The following FHL1 variants were observed in gnomAD, a reference collection of about 807,000 sequenced individuals.
FHL1 encodes the protein four and a half LIM domains 1.
FHL1 carries 1 observed loss-of-function variant against 20.3 expected under a neutral mutation model. The ratio of observed to expected loss-of-function variants is 0.05; its 90% CI spans 0.02 to 0.23. The LOEUF (loss-of-function observed/expected upper bound fraction) is 0.23, where lower values mean the gene tolerates loss of function less well. Ranked by LOEUF, FHL1 falls within the 10% of genes least tolerant of loss-of-function variation. FHL1 has a pLI of 1.00. For missense variants in FHL1, 177 were observed against 234.0 expected (o/e 0.76, Z 1.59); for synonymous variants, 82 against 88.9 (o/e 0.92, Z 0.44).
intron 3 of FHL1, chrX:136,207,581 TA>T: frequency 2.2e-6 from 1 of 449,959 alleles, no homozygotes; most frequent in Non-Finnish European, 3.9e-6. Context: ...CACTGGATCC[TA>T]AAATAATAAT....
At chrX:136,209,069 CTTT>C (rs200797162) in intron 5 of FHL1, 7 of 380,382 alleles carry the variant, frequency 1.8e-5, no homozygotes, top group African/African-American at 8.1e-5. Flanking sequence ...GGCAGGGTTT[CTTT>C]TTTTTTTGGT....
In FHL1 at chrX:136,180,887, G is replaced by A. The variant is rs1412329000; in HGVS notation, c.-27+10907G>A. Among the ~76,000 whole-genome samples, 6 of 111,380 alleles carry A rather than the reference G, an allele frequency of 5.4e-5. No homozygotes were observed. In the East Asian group the frequency reaches 1.1e-3, roughly 21 times the overall value. ...TTCCTGAGTAGCTGGAATTACAGGCGCTTACCACTACGCCTGGCTAATTTT... is the reference window on the plus strand; with the variant it reads ...TTCCTGAGTAGCTGGAATTACAGGCACTTACCACTACGCCTGGCTAATTTT... On this transcript the variant is annotated intron_variant, in intron 2 of 6. Transcript: ENST00000394153.
At chrX:136,191,703 G>A (rs1393572903) in intron 2 of FHL1, among the ~76,000 whole-genome samples, 2 of 112,485 alleles carry the variant, frequency 1.8e-5, no homozygotes, top group African/African-American at 6.5e-5. Flanking sequence ...TTCACACAAT[G>A]AAGCAGAGCT....
At chrX:136,154,205 G>T (rs1246112594) in intron 1 of FHL1, among the ~76,000 whole-genome samples, 1 of 112,281 alleles carries the variant, frequency 8.9e-6, no homozygotes, top group Non-Finnish European at 1.9e-5. Flanking sequence ...CTTTTTCATG[G>T]CCTGACCCTC....
chrX:136,174,444 T>G (rs948391075), intron 2 of FHL1, among the ~76,000 whole-genome samples: 9 of 111,728 alleles, frequency 8.1e-5, no homozygotes, highest in Non-Finnish European at 1.1e-4. Context: ...GGGCCTGAGA[T>G]CCTGCATTTC....
upstream of FHL1, chrX:136,168,375 G>A (rs1354534429): frequency 9.0e-6 from 1 of 111,706 alleles, no homozygotes; most frequent in African/African-American, 3.3e-5. Flanking sequence ...AATACTAGGA[G>A]ATAGAAATGA....
chrX:136,172,498 C>T (rs2072897819), intron 2 of FHL1, among the ~76,000 whole-genome samples: 1 of 111,999 alleles, frequency 8.9e-6, no homozygotes, highest in Non-Finnish European at 1.9e-5. Context: ...TTCCAAGTCC[C>T]CATCTCTACT....
In FHL1 at chrX:136,209,859, TTTTC is replaced by T. The variant is rs754404850; in HGVS notation, c.737-11_737-8del. 142 of 1,202,652 alleles carry T rather than the reference TTTTC, an allele frequency of 1.2e-4. No individual in the cohort carries two copies. The highest frequency in any genetic ancestry group is 4.6e-4 in the South Asian group (26 of 56,452). ...TCTTGTTTTCTTTTCTTTTCTTTTT[TTTTC>T]CCCCCAGGGTTTGGTAAAGGCTCCA... On this transcript the variant is annotated splice_polypyrimidine_tract_variant and splice_region_variant and intron_variant, in intron 5 of 5. Coordinates refer to ENST00000370683, the MANE Select transcript of FHL1 (RefSeq NM_001159699.2).
intron 1 of FHL1, among the ~76,000 whole-genome samples, chrX:136,198,433 C>T (rs1457759237): frequency 1.8e-5 from 2 of 112,193 alleles, no homozygotes; most frequent in African/African-American, 3.2e-5. Flanking sequence ...ATTCTTATGT[C>T]GTTCTTGTGT....
At chrX:136,202,010 C>G (rs2073723088) in intron 1 of FHL1, among the ~76,000 whole-genome samples, 1 of 111,927 alleles carries the variant, frequency 8.9e-6, no homozygotes, top group African/African-American at 3.2e-5. Context: ...AAAATTATTC[C>G]CTAAGAAATA....
chrX:136,149,810 G>A (rs193299827), intron 1 of FHL1, among the ~76,000 whole-genome samples: 75 of 111,335 alleles, frequency 6.7e-4, no homozygotes, highest in Non-Finnish European at 3.2e-4. Context: ...GTGTTAAACT[G>A]GAAATGTTTA....
rs1481151222 is a variant in FHL1, at chrX:136,210,160, T to C, written c.*135T>C. The C allele has an allele frequency of 1.7e-5, 16 of 929,486 alleles. No homozygotes were observed. The highest frequency in any genetic ancestry group is 2.3e-5 in the Non-Finnish European group (15 of 646,983). 76.6% of individuals were successfully genotyped at this position (929,486 alleles called of 1,213,427 possible). A position where few individuals can be genotyped will look rare whatever the true frequency, so the allele number is the denominator to read the frequency against. On this transcript the variant is annotated 3_prime_UTR_variant, in exon 6 of 6. Coordinates refer to ENST00000370683, the MANE Select transcript of FHL1 (RefSeq NM_001159699.2). ...AGTTCTCCTTCCGTCTTTTCTCCCA[T>C]TTTACAGTATTACTCAAATAAGGGC... is the stretch of plus-strand genomic sequence containing the variant.
At chrX:136,149,101 A>AT (rs1406711193) in intron 1 of FHL1, among the ~76,000 whole-genome samples, 2 of 111,950 alleles carry the variant, frequency 1.8e-5, no homozygotes, top group East Asian at 2.8e-4. Flanking sequence ...AGCAGGAATA[A>AT]TTTTTTCCGT....
At chrX:136,157,133 G>C (rs892073536) in intron 1 of FHL1, among the ~76,000 whole-genome samples, 4 of 111,529 alleles carry the variant, frequency 3.6e-5, no homozygotes, top group African/African-American at 1.3e-4. Context: ...CAACTACCCT[G>C]TAAATGATCG....
chrX:136,187,131 GT>G (rs1400310374), intron 2 of FHL1, among the ~76,000 whole-genome samples: 2,803 of 90,871 alleles, frequency 0.031, 83 homozygotes, highest in African/African-American at 0.095. Flanking sequence ...CACTATTTAT[GT>G]TTTTTTTTTT....
At chrX:136,149,884 T>C (rs1207117840) in intron 1 of FHL1, among the ~76,000 whole-genome samples, 1 of 112,233 alleles carries the variant, frequency 8.9e-6, no homozygotes, top group Non-Finnish European at 1.9e-5. Flanking sequence ...TATTGTATTA[T>C]AATGTTAGTA....
chrX:136,150,851 T>C (rs953685156), intron 1 of FHL1, among the ~76,000 whole-genome samples: 1 of 112,019 alleles, frequency 8.9e-6, no homozygotes, highest in African/African-American at 3.2e-5. Context: ...CAAAAAAGAT[T>C]TCTTGATGTT....
At chrX:136,155,401 T>C (rs1174606846) in intron 1 of FHL1, among the ~76,000 whole-genome samples, 1 of 112,162 alleles carries the variant, frequency 8.9e-6, no homozygotes, top group Non-Finnish European at 1.9e-5. Context: ...AAACAAAATA[T>C]GTACAGAGAT....
At chrX:136,178,611 AAACAAC>A (rs749289672) in intron 2 of FHL1, among the ~76,000 whole-genome samples, 4 of 110,908 alleles carry the variant, frequency 3.6e-5, no homozygotes, top group Admixed American at 9.6e-5. Flanking sequence ...CAAACAGACA[AAACAAC>A]AACAACAACA....
Sources: allele counts gnomAD v4.1 joint callset (sites outside exome capture counted in the v4.1 genomes callset), GRCh38; gene constraint gnomAD v4.1.1; transcripts MANE v1.5; gene names NCBI Gene and HGNC (gene_info 2026-07-23, HGNC 2026-07-21).